The following ZFPM1 variants were observed in gnomAD, a reference collection of about 807,000 sequenced individuals.
ZFPM1 encodes zinc finger protein ZFPM1.
In ZFPM1, 28 loss-of-function variants were observed where a neutral mutation model predicts 46.3. The ratio of observed to expected loss-of-function variants is 0.60; its 90% CI spans 0.45 to 0.83. The LOEUF (loss-of-function observed/expected upper bound fraction) is 0.83, where lower values mean the gene tolerates loss of function less well. ZFPM1 is among the 40% of genes least tolerant of loss of function. The probability of loss-of-function intolerance (pLI) is 0.00; values close to 1 mark genes in which losing one functional copy is unlikely to be tolerated. For synonymous variants in ZFPM1, 957 were observed against 675.9 expected (o/e 1.42, Z -6.45); for missense variants, 1,878 against 1,432.4 (o/e 1.31, Z -5.02).
chr16:88,520,149 C>G (rs1275656117), intron 4 of ZFPM1, among the ~76,000 whole-genome samples: 1 of 102,114 alleles, frequency 9.8e-6, no homozygotes, highest in Non-Finnish European at 2.0e-5. Context: ...GGATGGATGA[C>G]GGGTGAATGG....
At chr16:88,514,985 C>A (rs1211106992) in intron 4 of ZFPM1, among the ~76,000 whole-genome samples, 1 of 152,204 alleles carries the variant, frequency 6.6e-6, no homozygotes, top group African/African-American at 2.4e-5. Flanking sequence ...GTGTGCTCAT[C>A]TCCTTGGTGA....
chr16:88,504,783 A>G (rs1271433089), intron 3 of ZFPM1, among the ~76,000 whole-genome samples: 1 of 152,168 alleles, frequency 6.6e-6, no homozygotes, highest in African/African-American at 2.4e-5. Context: ...CCTGGCTCCG[A>G]GCTGTCCTCA....
intron 1 of ZFPM1, among the ~76,000 whole-genome samples, chr16:88,468,053 C>T (rs1487711378): frequency 3.5e-5 from 5 of 143,586 alleles, no homozygotes; most frequent in Admixed American, 1.4e-4. Flanking sequence ...CTCACGCCCC[C>T]GCGAGCCCAC....
chr16:88,512,645 A>T (rs936948984), intron 3 of ZFPM1, among the ~76,000 whole-genome samples: 1 of 151,690 alleles, frequency 6.6e-6, no homozygotes, highest in Non-Finnish European at 1.5e-5. Context: ...GGGATTCCAC[A>T]TGCTTCCCTG....
At position 88,534,599 on chromosome 16, in the gene ZFPM1, C is replaced by T; in HGVS notation, c.2641C>T (p.Leu881Phe). The T allele has an allele frequency of 8.2e-7, 1 of 1,224,476 alleles. No homozygotes were observed. The highest frequency in any genetic ancestry group is 2.5e-5 in the South Asian group (1 of 39,852). The allele number at this position is 1,224,476 out of a possible 1,614,324, so 75.9% of individuals were successfully genotyped here. The change falls in exon 10 of 10, where the codon CTC (leucine) becomes TTC (phenylalanine). Residue 881 changes from leucine to phenylalanine, a missense_variant. Transcript: ENST00000319555. ...TTTCCGCCTGGCGCACGGCCTGCTG[C>T]TCGGCGCGCCCCTGGCCGGCCCGGG... is the stretch of plus-strand genomic sequence containing the variant. ...EHFRLAHGLLLGAPLAGPGVE... is the reference protein window; with the variant it reads ...EHFRLAHGLLFGAPLAGPGVE...
intron 1 of ZFPM1, among the ~76,000 whole-genome samples, chr16:88,470,485 G>A (rs1484080001): frequency 6.6e-6 from 1 of 152,056 alleles, no homozygotes; most frequent in Non-Finnish European, 1.5e-5. Context: ...CTGGTGGTGT[G>A]GAGGGCCGGG....
At chr16:88,494,768 C>T (rs1909839725) in intron 3 of ZFPM1, among the ~76,000 whole-genome samples, 1 of 151,964 alleles carries the variant, frequency 6.6e-6, no homozygotes, top group South Asian at 2.1e-4. Flanking sequence ...GCAGGAGGAG[C>T]CGGCAGGAGG....
At chr16:88,467,315 A>G (rs1420681167) in intron 1 of ZFPM1, among the ~76,000 whole-genome samples, 2 of 152,090 alleles carry the variant, frequency 1.3e-5, no homozygotes, top group Non-Finnish European at 2.9e-5. Flanking sequence ...CACATCCCAG[A>G]GTCTCAGGTC....
chr16:88,458,894 C>T (rs1197571294), intron 1 of ZFPM1, among the ~76,000 whole-genome samples: 4 of 152,222 alleles, frequency 2.6e-5, no homozygotes, highest in African/African-American at 9.6e-5. Context: ...GTCATCTGCG[C>T]CCTGCCTGGT....
Position 88,536,247 on chromosome 16 carries a change from C to G in ZFPM1, c.*1268C>G, listed in dbSNP as rs1913241263. ...AGTTCAGTGGCACGATCATAAGTCA[C>G]TGCAGCCTCAAACTCCTGAGCTGAA... On this transcript the variant is annotated 3_prime_UTR_variant, in exon 10 of 10. Transcript: ENST00000319555. The G allele has an allele frequency of 6.6e-6, 1 of 152,170 alleles. No individual in the cohort carries two copies. The highest frequency in any genetic ancestry group is 2.1e-4 in the South Asian group (1 of 4,832). 9.4% of individuals were successfully genotyped at this position (152,170 alleles called of 1,614,324 possible). A position where few individuals can be genotyped will look rare whatever the true frequency, so the allele number is the denominator to read the frequency against.
chr16:88,467,141 T>A (rs1908172022), intron 1 of ZFPM1, among the ~76,000 whole-genome samples: 1 of 152,090 alleles, frequency 6.6e-6, no homozygotes, highest in Admixed American at 6.5e-5. Context: ...ACCTAGGGCC[T>A]CGTCCCATCA....
At chr16:88,514,159 C>G (rs1201449340) in intron 3 of ZFPM1, among the ~76,000 whole-genome samples, 40 of 152,186 alleles carry the variant, frequency 2.6e-4, no homozygotes, top group Non-Finnish European at 2.9e-5. Context: ...TCGCTCAAAC[C>G]CAGCCACAGG....
chr16:88,476,716 C>G (rs1255574887), intron 1 of ZFPM1, among the ~76,000 whole-genome samples: 1 of 152,160 alleles, frequency 6.6e-6, no homozygotes, highest in African/African-American at 2.4e-5. Context: ...GTTCTTCACA[C>G]AGCAAGTGTG....
At position 88,534,658 on chromosome 16, in the gene ZFPM1, C is replaced by T. The variant is rs1913138660; in HGVS notation, c.2700C>T (p.Pro900=). The T allele has an allele frequency of 7.9e-6, 8 of 1,008,280 alleles. No individual in the cohort carries two copies. The highest frequency in any genetic ancestry group is 9.4e-6 in the Non-Finnish European group (8 of 847,202). 62.5% of individuals were successfully genotyped at this position (1,008,280 alleles called of 1,614,324 possible). The change falls in exon 10 of 10, where the codon CCC becomes CCT. Residue 900 remains proline (P), a synonymous_variant. Transcript: ENST00000319555. ...VEARTPADRG[P]SPAPAPAASP... ...CCCGGACGCCGGCCGACCGCGGCCCCTCGCCCGCTCCCGCCCCCGCCGCCT... is the reference window on the plus strand; with the variant it reads ...CCCGGACGCCGGCCGACCGCGGCCCTTCGCCCGCTCCCGCCCCCGCCGCCT...
chr16:88,454,734 G>A (rs1183920747), intron 1 of ZFPM1, among the ~76,000 whole-genome samples: 1 of 152,238 alleles, frequency 6.6e-6, no homozygotes, highest in East Asian at 1.9e-4. Flanking sequence ...GCGCCTCACA[G>A]TTAGGGCCCA....
At chr16:88,524,772 G>A (rs9673995) in intron 4 of ZFPM1, among the ~76,000 whole-genome samples, 120,713 of 152,262 alleles carry the variant, frequency 0.79, 50,744 homozygotes, top group Non-Finnish European at 0.92. Flanking sequence ...GGTGGGCTTC[G>A]GGTGGGTCCA....
intron 6 of ZFPM1, among the ~76,000 whole-genome samples, chr16:88,531,766 GT>G (rs1226807449): frequency 3.3e-5 from 5 of 152,210 alleles, no homozygotes; most frequent in African/African-American, 1.2e-4. Context: ...ACCCATAGGG[GT>G]TCACTCAGAC....
intron 3 of ZFPM1, among the ~76,000 whole-genome samples, chr16:88,498,819 G>A (rs566891662): frequency 4.6e-5 from 7 of 152,352 alleles, no homozygotes; most frequent in Admixed American, 2.0e-4. Flanking sequence ...TTCAGAGGTC[G>A]CAGGCTCTGG....
rs902491263 is a variant in ZFPM1 at position 88,511,483 on chromosome 16, G to A, written c.269-2904G>A. ...AAAAAACAACTGCCTGTGTCTTCCTGCCCATTCCCACCCAGCTCAGCATCC... is the reference window on the plus strand; with the variant it reads ...AAAAAACAACTGCCTGTGTCTTCCTACCCATTCCCACCCAGCTCAGCATCC... On this transcript the variant is annotated intron_variant, in intron 3 of 9. Coordinates refer to ENST00000319555, the MANE Select transcript of ZFPM1 (RefSeq NM_153813.3). 4.0e-5 allele frequency among the ~76,000 whole-genome samples: 6 copies of A among 151,224 alleles called. No individual in the cohort carries two copies. In the South Asian group the frequency reaches 1.2e-3, roughly 31 times the overall value.
Sources: gnomAD v4.1 joint callset for allele counts (sites outside exome capture counted in the v4.1 genomes callset) on GRCh38, gnomAD v4.1.1 for gene constraint, MANE v1.5 for transcripts, NCBI Gene and HGNC (gene_info 2026-07-23, HGNC 2026-07-21) for gene names.